The following NDUFAF6 variants were observed in gnomAD, a reference collection of about 807,000 sequenced individuals.
The protein encoded by NDUFAF6 is NADH:ubiquinone oxidoreductase complex assembly factor 6, also known as NADH dehydrogenase (ubiquinone) complex I, assembly factor 6.
NDUFAF6 carries 45 observed loss-of-function variants against 40.8 expected under a neutral mutation model. The observed-to-expected ratio is 1.10, with a 90% CI of 0.87 to 1.42. The LOEUF (loss-of-function observed/expected upper bound fraction) is 1.42. NDUFAF6 is among the 40% of genes most tolerant of loss of function. The pLI is 0.00. For missense variants in NDUFAF6, 435 were observed against 418.5 expected, an observed-to-expected ratio of 1.04 and a Z score of -0.34; for synonymous variants, 185 against 155.9, an observed-to-expected ratio of 1.19 and a Z score of -1.39.
chr8:94,985,787 G>A (rs1425458235), intron 2 of NDUFAF6, among the ~76,000 whole-genome samples: 1 of 150,798 alleles, frequency 6.6e-6, no homozygotes, highest in Non-Finnish European at 1.5e-5. Flanking sequence ...GCCCGCCTTG[G>A]CGTCCCAAAG....
upstream of NDUFAF6, among the ~76,000 whole-genome samples, chr8:95,096,191 G>A (rs1290944125): frequency 1.3e-5 from 2 of 152,216 alleles, no homozygotes; most frequent in Non-Finnish European, 1.5e-5. Context: ...TTAGAAGGGT[G>A]TGAAAGTTTA....
At chr8:94,965,654 A>G (rs573645585) in intron 1 of NDUFAF6, among the ~76,000 whole-genome samples, 2 of 152,352 alleles carry the variant, frequency 1.3e-5, no homozygotes, top group East Asian at 3.9e-4. Context: ...AAAACTCAAC[A>G]GAATTTAGTC....
At chr8:94,903,929 T>G (rs1586596444) in intron 1 of NDUFAF6, among the ~76,000 whole-genome samples, 1 of 152,142 alleles carries the variant, frequency 6.6e-6, no homozygotes, top group African/African-American at 2.4e-5. Flanking sequence ...GCCTCTCTCT[T>G]CTTAGAGACC....
At chr8:94,995,111 G>A (rs1826365904) in intron 2 of NDUFAF6, among the ~76,000 whole-genome samples, 1 of 152,182 alleles carries the variant, frequency 6.6e-6, no homozygotes, top group African/African-American at 2.4e-5. Context: ...TAAACAAAAT[G>A]TCTGTACATA....
At position 94,946,696 on chromosome 8, in the gene NDUFAF6, C is replaced by CAAAAAAAAAAAAAAAAAAAA. The variant is rs71273438; in HGVS notation, c.-799+1082_-799+1101dup. On this transcript the variant is annotated intron_variant, in intron 2 of 14. Coordinates refer to the NDUFAF6 transcript ENST00000396113. Reference sequence around the variant, plus strand: ...TGGTCAACAGAGTAAGACCCTGTCTCAAAAAAAAAAAAAAAAAAAAAAAAG... The same window carrying CAAAAAAAAAAAAAAAAAAAA: ...TGGTCAACAGAGTAAGACCCTGTCTCAAAAAAAAAAAAAAAAAAAAAAAAAAAAAAAAAAAAAAAAAAAAG... Among the ~76,000 whole-genome samples, 17 of 34,692 alleles carry CAAAAAAAAAAAAAAAAAAAA rather than the reference C, an allele frequency of 4.9e-4. 2 individuals carry two copies. The highest frequency in any genetic ancestry group is 5.7e-4 in the African/African-American group (6 of 10,594). 22.8% of individuals were successfully genotyped at this position (34,692 alleles called of 152,430 possible).
In NDUFAF6 at chr8:94,904,319, G is replaced by GCT. The variant is rs1554622112; in HGVS notation, c.-936+8393_-936+8394dup. Among the ~76,000 whole-genome samples, 113 of 18,142 alleles carry GCT rather than the reference G, an allele frequency of 6.2e-3. 6 individuals carry two copies. Among genetic ancestry groups the GCT allele is most frequent in the African/African-American group, 0.011 (41 of 3,614 alleles). 11.9% of individuals were successfully genotyped at this position (18,142 alleles called of 152,430 possible). A position where few individuals can be genotyped will look rare whatever the true frequency, so the allele number is the denominator to read the frequency against. ...CCATCACACCTGGCTAATTTTTTTT[G>GCT]CTTTTTTTTTTTTTTTTTTTTTTTT... On this transcript the variant is annotated intron_variant, in intron 1 of 14. Transcript: ENST00000396113.
At chr8:95,057,738 T>G in intron 8 of NDUFAF6, 71 bp from the exon 9 acceptor site, 5 of 1,178,986 alleles carry the variant, frequency 4.2e-6, no homozygotes, top group Non-Finnish European at 6.1e-6. Context: ...TAATTATTCT[T>G]TAGTTAGTTT....
At chr8:94,996,659 C>T (rs529504452) in intron 2 of NDUFAF6, among the ~76,000 whole-genome samples, 38 of 152,272 alleles carry the variant, frequency 2.5e-4, no homozygotes, top group African/African-American at 8.7e-4. Context: ...GTGCCCCCAC[C>T]GCCTTCCCCC....
intron 2 of NDUFAF6, among the ~76,000 whole-genome samples, chr8:95,102,742 G>A (rs1399235426): frequency 6.6e-6 from 1 of 152,184 alleles, no homozygotes; most frequent in African/African-American, 2.4e-5. Context: ...GGACACTGGA[G>A]AAGCAGCCAT....
intron 1 of NDUFAF6, among the ~76,000 whole-genome samples, chr8:95,028,617 C>CTCTA (rs549746215): frequency 1.4e-4 from 21 of 152,068 alleles, no homozygotes; most frequent in Non-Finnish European, 2.1e-4. Flanking sequence ...TTTCATTTCC[C>CTCTA]TCTAAGAAGC....
intron 5 of NDUFAF6, chr8:95,116,137 C>CAAAAA (rs1438076784): frequency 6.7e-6 from 1 of 149,918 alleles, no homozygotes; most frequent in Non-Finnish European, 1.4e-5. Flanking sequence ...AACTCCATCT[C>CAAAAA]AAAACAAAAC....
At chr8:95,112,447 C>G (rs1482928700) in intron 4 of NDUFAF6, among the ~76,000 whole-genome samples, 1 of 152,128 alleles carries the variant, frequency 6.6e-6, no homozygotes, top group Non-Finnish European at 1.5e-5. Flanking sequence ...CCAGTGAACT[C>G]CTACAGTCAC....
chr8:94,916,363 A>C (rs900357668), intron 1 of NDUFAF6, among the ~76,000 whole-genome samples: 18 of 152,208 alleles, frequency 1.2e-4, no homozygotes, highest in African/African-American at 3.6e-4. Flanking sequence ...CCACTAGTCT[A>C]TCAGTCTGAA....
At chr8:94,923,802 C>T (rs1819663853) in intron 1 of NDUFAF6, among the ~76,000 whole-genome samples, 1 of 150,998 alleles carries the variant, frequency 6.6e-6, no homozygotes, top group South Asian at 2.1e-4. Context: ...GCCTCAGCCT[C>T]CCAAGTGGCT....
intron 2 of NDUFAF6, among the ~76,000 whole-genome samples, chr8:94,995,546 A>C (rs1826388130): frequency 6.6e-6 from 1 of 152,012 alleles, no homozygotes; most frequent in Non-Finnish European, 1.5e-5. Flanking sequence ...GGAGGATTGC[A>C]TGAGGCCAGG....
chr8:94,947,981 G>A (rs980526915), intron 2 of NDUFAF6, among the ~76,000 whole-genome samples: 3 of 152,118 alleles, frequency 2.0e-5, no homozygotes, highest in Non-Finnish European at 4.4e-5. Flanking sequence ...TTTCAGTATC[G>A]TGGGGGAACT....
At chr8:95,027,367 C>T (rs552077691) in intron 1 of NDUFAF6, among the ~76,000 whole-genome samples, 47 of 151,988 alleles carry the variant, frequency 3.1e-4, no homozygotes, top group African/African-American at 1.1e-3. Flanking sequence ...TTGCTTGAGC[C>T]TAAGAGTTCC....
At chr8:95,003,456 A>G (rs1299933867) in intron 2 of NDUFAF6, among the ~76,000 whole-genome samples, 1 of 152,206 alleles carries the variant, frequency 6.6e-6, no homozygotes, top group Non-Finnish European at 1.5e-5. Context: ...GGGTAGGTAT[A>G]CTAAGAGGAG....
At chr8:94,914,827 CAAAAAAA>C (rs530780157) in intron 1 of NDUFAF6, among the ~76,000 whole-genome samples, 132 of 128,656 alleles carry the variant, frequency 1.0e-3, no homozygotes, top group African/African-American at 3.5e-3. Flanking sequence ...GGAGGCGTCT[CAAAAAAA>C]AAAAAATACA....
Sources: allele counts gnomAD v4.1 joint callset (sites outside exome capture counted in the v4.1 genomes callset), GRCh38; gene constraint gnomAD v4.1.1; transcripts MANE v1.5; gene names NCBI Gene and HGNC (gene_info 2026-07-23, HGNC 2026-07-21).